BAZ1A: variants seen among roughly 807,000 people sequenced by gnomAD.
The protein encoded by BAZ1A is bromodomain adjacent to zinc finger domain protein 1A.
Under a neutral mutation model 185.2 loss-of-function variants are expected in BAZ1A, and 50 were observed. The ratio of observed to expected loss-of-function variants is 0.27; its 90% CI spans 0.22 to 0.34. The LOEUF (loss-of-function observed/expected upper bound fraction) is 0.34, where lower values mean the gene tolerates loss of function less well. Among genes scored for constraint, BAZ1A ranks in the 10% least tolerant of loss-of-function variants. The pLI, the probability that BAZ1A is intolerant of heterozygous loss-of-function variation, is 1.00. For synonymous variants in BAZ1A, 571 were observed against 615.6 expected (o/e 0.93, Z 1.07); for missense variants, 1,356 against 1,839.9 (o/e 0.74, Z 4.81).
chr14:34,795,172 A>C (rs1249933445), intron 10 of BAZ1A, among the ~76,000 whole-genome samples: 1 of 152,214 alleles, frequency 6.6e-6, no homozygotes, highest in Non-Finnish European at 1.5e-5. Context: ...ATTTCTGACT[A>C]TATTTCCTAG....
chr14:34,861,124 T>C (rs2042762423), intron 3 of BAZ1A, among the ~76,000 whole-genome samples: 2 of 152,060 alleles, frequency 1.3e-5, no homozygotes, highest in African/African-American at 4.8e-5. Context: ...TTTTGGCTTC[T>C]AAAGTTTAAA....
At chr14:34,840,000 G>A (rs1298719760) in intron 3 of BAZ1A, among the ~76,000 whole-genome samples, 5 of 152,006 alleles carry the variant, frequency 3.3e-5, no homozygotes, top group Admixed American at 6.6e-5. Context: ...TAAAATAAGA[G>A]TGAAAGTAAC....
chr14:34,761,239 T>C (rs1032537756), intron 24 of BAZ1A, among the ~76,000 whole-genome samples: 2 of 152,182 alleles, frequency 1.3e-5, no homozygotes, highest in Non-Finnish European at 2.9e-5. Context: ...ATTGCACCAC[T>C]GCACTCCAGC....
At chr14:34,770,620 G>A (rs1305302998) in intron 21 of BAZ1A, among the ~76,000 whole-genome samples, 1 of 152,212 alleles carries the variant, frequency 6.6e-6, no homozygotes, top group Non-Finnish European at 1.5e-5. Context: ...CAGGGAATTA[G>A]AGACAGTTAT....
intron 3 of BAZ1A, among the ~76,000 whole-genome samples, chr14:34,842,537 C>T (rs1043886697): frequency 6.6e-6 from 1 of 152,208 alleles, no homozygotes; most frequent in African/African-American, 2.4e-5. Context: ...CCCTCAACAA[C>T]ATAACCTGAA....
At chr14:34,843,683 T>C (rs1252853475) in intron 3 of BAZ1A, among the ~76,000 whole-genome samples, 1 of 152,102 alleles carries the variant, frequency 6.6e-6, no homozygotes, top group East Asian at 1.9e-4. Flanking sequence ...AATATAGCTA[T>C]TTTTTTCCAG....
Position 34,874,355 on chromosome 14 carries a change from C to A in BAZ1A, c.113+137G>T. ...CAGGTGGAGGCCAGGAGGCAGAGAA[C>A]CGCGGGCCCGGGGGCCACCCGTCAC... On this transcript the variant is annotated intron_variant, in intron 2 of 26. Coordinates refer to ENST00000360310, the MANE Select transcript of BAZ1A (RefSeq NM_013448.3). The surrounding 1 kb of genome is among the most constrained non-coding windows in gnomAD (Gnocchi z 4.7). 4.8e-6 allele frequency: 4 copies of A among 826,200 alleles called. No homozygotes were observed. Among genetic ancestry groups the A allele is most frequent in the South Asian group, 1.6e-5 (1 of 64,350 alleles). The allele number at this position is 826,200 out of a possible 1,614,324, so 51.2% of individuals were successfully genotyped here. A position where few individuals can be genotyped will look rare whatever the true frequency, so the allele number is the denominator to read the frequency against.
intron 12 of BAZ1A, among the ~76,000 whole-genome samples, chr14:34,787,286 G>A (rs1302732828): frequency 4.9e-5 from 7 of 143,590 alleles, no homozygotes; most frequent in Middle Eastern, 3.5e-3. Context: ...CTGGGAGGCA[G>A]AGGGTGCAGT....
intron 7 of BAZ1A, 84 bp from the exon 8 acceptor site, chr14:34,801,277 T>G: frequency 2.3e-6 from 2 of 884,638 alleles, no homozygotes; most frequent in Non-Finnish European, 3.5e-6. Flanking sequence ...CAATTACACT[T>G]TCTTTATACT....
intron 3 of BAZ1A, among the ~76,000 whole-genome samples, chr14:34,829,291 A>T (rs1180045191): frequency 5.6e-5 from 7 of 125,038 alleles, no homozygotes; most frequent in Non-Finnish European, 1.2e-4. Context: ...AAAAAAAAAA[A>T]GCCAGGCATG....
intron 21 of BAZ1A, 91 bp from the exon 22 acceptor site, chr14:34,765,359 G>A (rs2138557338): frequency 6.9e-7 from 1 of 1,443,004 alleles, no homozygotes; most frequent in Non-Finnish European, 9.3e-7. Context: ...ATATAGGTTA[G>A]ATTTTACATT....
intron 19 of BAZ1A, 91 bp downstream of exon 19, chr14:34,774,234 CAT>C: frequency 1.0e-6 from 1 of 985,808 alleles, no homozygotes; most frequent in Non-Finnish European, 1.4e-6. Flanking sequence ...ATTCAAAACA[CAT>C]ATGCCTTGTC....
At chr14:34,754,144 C>T (rs8004685) in intron 26 of BAZ1A, among the ~76,000 whole-genome samples, 1 of 147,842 alleles carries the variant, frequency 6.8e-6, no homozygotes, top group African/African-American at 2.5e-5. Context: ...CCCAGCTACT[C>T]GGGAGGCTGA....
chr14:34,872,941 A>AAAAAAAAAAAAAAAAAAAAAAAAAAAAAC (rs1555346584), intron 2 of BAZ1A, among the ~76,000 whole-genome samples: 1 of 122,680 alleles, frequency 8.2e-6, no homozygotes, highest in African/African-American at 3.2e-5. Context: ...AAAAAAAAAA[A>AAAAAAAAAAAAAAAAAAAAAAAAAAAAAC]CTTGTCCAAT....
chr14:34,842,211 GA>G (rs1031023338), intron 3 of BAZ1A, among the ~76,000 whole-genome samples: 2 of 149,254 alleles, frequency 1.3e-5, no homozygotes. Context: ...TACCTTCAAA[GA>G]AAAAAAAAGG....
At chr14:34,802,728 C>G (rs774337135) in intron 7 of BAZ1A, 126 bp downstream of exon 7, 23 of 990,086 alleles carry the variant, frequency 2.3e-5, no homozygotes, top group Admixed American at 1.1e-4. Context: ...CACTTACATA[C>G]TTTTTGGTGA....
In BAZ1A at chr14:34,794,748, C is replaced by G; in HGVS notation, c.1363+1G>C. ...TAGCAATAGATAACTAAAGCACTTG[C>G]CTAGGGTTACTCCATCAGGAAACTC... On this transcript the variant is annotated splice_donor_variant, in intron 11 of 26. Transcript: ENST00000360310. LOFTEE classifies it high-confidence loss of function. 1 of 1,611,502 alleles carries G rather than the reference C, an allele frequency of 6.2e-7. No individual in the cohort carries two copies. The highest frequency in any genetic ancestry group is 1.3e-5 in the African/African-American group (1 of 74,836).
chr14:34,805,032 C>T (rs1171985293), intron 6 of BAZ1A, among the ~76,000 whole-genome samples: 1 of 152,116 alleles, frequency 6.6e-6, no homozygotes, highest in Admixed American at 6.6e-5. Context: ...GAGCAGGCTT[C>T]CCCCTTGCTG....
intron 20 of BAZ1A, among the ~76,000 whole-genome samples, chr14:34,771,942 T>C (rs548632289): frequency 6.6e-6 from 1 of 151,742 alleles, no homozygotes; most frequent in African/African-American, 2.4e-5. Flanking sequence ...TTATCTCTAT[T>C]TCTCTTGTTT....
Sources: gnomAD v4.1 joint callset for allele counts (sites outside exome capture counted in the v4.1 genomes callset) on GRCh38, gnomAD v4.1.1 for gene constraint, Gnocchi (gnomAD v3.1) non-coding constraint, MANE v1.5 for transcripts, NCBI Gene and HGNC (gene_info 2026-07-23, HGNC 2026-07-21) for gene names.